ADGRB3: variants seen among roughly 807,000 people sequenced by gnomAD.
ADGRB3 encodes brain-specific angiogenesis inhibitor 3.
Under a neutral mutation model 193.4 loss-of-function variants are expected in ADGRB3, and 37 were observed. The ratio of observed to expected loss-of-function variants is 0.19; its 90% CI spans 0.15 to 0.25. The LOEUF is 0.25. Among genes scored for constraint, ADGRB3 ranks in the 10% least tolerant of loss-of-function variants. The pLI, the probability that ADGRB3 is intolerant of heterozygous loss-of-function variation, is 1.00. For missense variants in ADGRB3, 1,637 were observed against 1,852.9 expected (o/e 0.88, Z 2.14); for synonymous variants, 690 against 644.2 (o/e 1.07, Z -1.08).
chr6:69,232,463 C>T, intron 17 of ADGRB3: 3 of 1,527,452 alleles, frequency 2.0e-6, no homozygotes, highest in South Asian at 2.4e-5. Flanking sequence ...AGGCTCTCTT[C>T]CCTACTCCTA....
chr6:69,116,878 G>T (rs1218900181), intron 17 of ADGRB3, among the ~76,000 whole-genome samples: 1 of 152,182 alleles, frequency 6.6e-6, no homozygotes, highest in Non-Finnish European at 1.5e-5. Context: ...CTTCATTAGT[G>T]CCTGCCAACG....
At chr6:68,802,070 A>G (rs1290397123) in intron 3 of ADGRB3, among the ~76,000 whole-genome samples, 3 of 152,124 alleles carry the variant, frequency 2.0e-5, no homozygotes, top group African/African-American at 4.8e-5. Flanking sequence ...TATAATTTCA[A>G]TGGATACACC....
chr6:68,884,515 A>G (rs1174713383), intron 3 of ADGRB3, among the ~76,000 whole-genome samples: 2 of 152,212 alleles, frequency 1.3e-5, no homozygotes, highest in South Asian at 2.1e-4. Flanking sequence ...TTAGTATTTC[A>G]GGCAGAGGAA....
At chr6:69,000,704 G>A (rs142915226) in intron 11 of ADGRB3, among the ~76,000 whole-genome samples, 1 of 152,342 alleles carries the variant, frequency 6.6e-6, no homozygotes, top group East Asian at 1.9e-4. Flanking sequence ...TTAGACCTCA[G>A]CTAGAAAAGT....
At chr6:69,220,030 G>A (rs1295844580) in intron 17 of ADGRB3, among the ~76,000 whole-genome samples, 1 of 151,814 alleles carries the variant, frequency 6.6e-6, no homozygotes, top group African/African-American at 2.4e-5. Flanking sequence ...TTTCCCACAG[G>A]AATTTTTCTC....
At chr6:68,976,203 G>A (rs1768742114) in intron 10 of ADGRB3, among the ~76,000 whole-genome samples, 1 of 152,126 alleles carries the variant, frequency 6.6e-6, no homozygotes, top group African/African-American at 2.4e-5. Flanking sequence ...ATCCTAAAGA[G>A]TATTCTTGCT....
intron 20 of ADGRB3, among the ~76,000 whole-genome samples, chr6:69,270,406 C>T (rs1275183376): frequency 1.3e-5 from 2 of 151,998 alleles, no homozygotes; most frequent in African/African-American, 4.8e-5. Flanking sequence ...AGCTTAGTTT[C>T]AAGAGGAAAC....
intron 3 of ADGRB3, among the ~76,000 whole-genome samples, chr6:68,702,817 T>C (rs1488301390): frequency 6.6e-6 from 1 of 152,200 alleles, no homozygotes; most frequent in African/African-American, 2.4e-5. Flanking sequence ...GTTTCTGTTT[T>C]TCTGATCAGA....
Position 68,805,490 on chromosome 6 carries a change from G to A in ADGRB3, c.758-125069G>A, listed in dbSNP as rs9346244. On this transcript the variant is annotated intron_variant, in intron 3 of 31. Coordinates refer to ENST00000370598, the MANE Select transcript of ADGRB3 (RefSeq NM_001704.3). ...TGGTTCAGTGAGCCCATTATGAGTC[G>A]AACTTTGTCTTATTTTACCTTAATC... is the stretch of plus-strand genomic sequence containing the variant. Among the ~76,000 whole-genome samples the A allele has an allele frequency of 6.4e-3, 968 of 152,140 alleles. 7 individuals are homozygous for A. Among genetic ancestry groups the A allele is most frequent in the Non-Finnish European group, 8.4e-3 (571 of 67,990 alleles).
chr6:68,782,071 T>G (rs1414649361), intron 3 of ADGRB3, among the ~76,000 whole-genome samples: 1 of 151,138 alleles, frequency 6.6e-6, no homozygotes, highest in African/African-American at 2.4e-5. Context: ...GCTGCACCCA[T>G]TAACTCGTCA....
chr6:68,760,326 T>G (rs1389967491), intron 3 of ADGRB3, among the ~76,000 whole-genome samples: 2 of 152,212 alleles, frequency 1.3e-5, no homozygotes, highest in Non-Finnish European at 2.9e-5. Flanking sequence ...ACTTCAGTAA[T>G]GCAGATTAAA....
intron 3 of ADGRB3, among the ~76,000 whole-genome samples, chr6:68,751,017 A>C (rs1037508271): frequency 1.3e-5 from 2 of 152,088 alleles, no homozygotes; most frequent in Admixed American, 6.6e-5. Context: ...CTATCCCTTG[A>C]GTGCAGGTTT....
intron 17 of ADGRB3, among the ~76,000 whole-genome samples, chr6:69,114,294 A>C (rs1377192049): frequency 6.6e-6 from 1 of 152,166 alleles, no homozygotes; most frequent in Non-Finnish European, 1.5e-5. Flanking sequence ...AACTCTTGAA[A>C]ATTATACAAA....
chr6:68,921,122 G>A (rs533663702), intron 3 of ADGRB3, among the ~76,000 whole-genome samples: 2 of 152,160 alleles, frequency 1.3e-5, no homozygotes, highest in African/African-American at 4.8e-5. Context: ...AGAAAACATG[G>A]TAAAGACAAA....
Position 68,985,899 on chromosome 6 carries a change from T to C in ADGRB3, c.1735-7869T>C, listed in dbSNP as rs553619184. ...TCTGATTGGGGAGGTTTCTAAAAGC[T>C]TGGGCACCAGTCTGTGGCCACTATA... On this transcript the variant is annotated intron_variant, in intron 10 of 31. Transcript: ENST00000370598. Among the ~76,000 whole-genome samples, 4 of 152,254 alleles carry C rather than the reference T, an allele frequency of 2.6e-5. No homozygotes were observed. In the South Asian group the frequency reaches 6.2e-4, roughly 24 times the overall value.
chr6:69,353,923 C>T lies in ADGRB3; in HGVS notation c.3460-310C>T, dbSNP rs574818544. 2.8e-4 allele frequency among the ~76,000 whole-genome samples: 42 copies of T among 152,078 alleles called. No homozygotes were observed. In the East Asian group the frequency reaches 6.4e-3, roughly 23 times the overall value. ...TACTAAAAATACAATATTAGTCGGGCGTGGTGGTGCATGCCTGTAATCCCA... is the reference window on the plus strand; with the variant it reads ...TACTAAAAATACAATATTAGTCGGGTGTGGTGGTGCATGCCTGTAATCCCA... On this transcript the variant is annotated intron_variant, in intron 26 of 31. Transcript: ENST00000370598.
intron 16 of ADGRB3, among the ~76,000 whole-genome samples, chr6:69,069,769 A>T (rs1772024252): frequency 6.6e-6 from 1 of 150,616 alleles, no homozygotes; most frequent in African/African-American, 2.4e-5. Flanking sequence ...GAAAAGAAAA[A>T]AATTTATGAA....
intron 3 of ADGRB3, among the ~76,000 whole-genome samples, chr6:68,696,778 T>C (rs1765166419): frequency 1.3e-5 from 2 of 152,092 alleles, no homozygotes. Flanking sequence ...TTTATTTTTA[T>C]ATTACAGGAG....
chr6:68,740,765 G>T (rs1002923648), intron 3 of ADGRB3, among the ~76,000 whole-genome samples: 2 of 152,100 alleles, frequency 1.3e-5, no homozygotes, highest in African/African-American at 4.8e-5. Flanking sequence ...ACTACCTTTG[G>T]TGTATCTATA....
Sources: gnomAD v4.1 joint callset for allele counts (sites outside exome capture counted in the v4.1 genomes callset) on GRCh38, gnomAD v4.1.1 for gene constraint, MANE v1.5 for transcripts, NCBI Gene and HGNC (gene_info 2026-07-23, HGNC 2026-07-21) for gene names.